PGBD5: variants seen among roughly 807,000 people sequenced by gnomAD.
PGBD5 encodes piggyBac transposable element derived 5.
PGBD5 carries 14 observed loss-of-function variants against 47.9 expected under a neutral mutation model. That is an observed-to-expected ratio of 0.29 (90% confidence interval 0.19 to 0.46). The LOEUF (loss-of-function observed/expected upper bound fraction) is 0.46. Among genes scored for constraint, PGBD5 ranks in the 20% least tolerant of loss-of-function variants. PGBD5 has a pLI of 1.00. For synonymous variants in PGBD5, 316 were observed against 306.3 expected, an observed-to-expected ratio of 1.03 and a Z score of -0.33; for missense variants, 635 against 716.0, an observed-to-expected ratio of 0.89 and a Z score of 1.29.
intron 1 of PGBD5, among the ~76,000 whole-genome samples, chr1:230,422,500 T>G (rs1418019026): frequency 3.3e-5 from 5 of 152,116 alleles, no homozygotes; most frequent in Non-Finnish European, 1.5e-5. Flanking sequence ...GCACTCCCAG[T>G]AGGCATTTCA....
chr1:230,347,004 A>G (rs1412911797), intron 3 of PGBD5, among the ~76,000 whole-genome samples: 2 of 152,150 alleles, frequency 1.3e-5, no homozygotes, highest in East Asian at 3.8e-4. Context: ...CTTCTTGAAA[A>G]CAGGGACCTG....
Position 230,323,311 on chromosome 1 carries a change from C to T in PGBD5, c.*114G>A, listed in dbSNP as rs1667065462. Reference sequence around the variant, plus strand: ...CCCTCCAGAGGCCCTGTGCATCCCTCCCAGGCAGCAAGCCACACACCAGGC... The same window carrying T: ...CCCTCCAGAGGCCCTGTGCATCCCTTCCAGGCAGCAAGCCACACACCAGGC... On this transcript the variant is annotated 3_prime_UTR_variant, in exon 7 of 7. Transcript: ENST00000391860. This position sits in a 1 kb window ranked among gnomAD's most constrained non-coding sequence, Gnocchi z 4.1. 49 of 1,278,662 alleles carry T rather than the reference C, an allele frequency of 3.8e-5. 2 individuals are homozygous for T. In the South Asian group the frequency reaches 6.4e-4, roughly 17 times the overall value. 79.2% of individuals were successfully genotyped at this position (1,278,662 alleles called of 1,614,324 possible).
chr1:230,399,163 G>A (rs986350573), intron 1 of PGBD5, among the ~76,000 whole-genome samples: 1 of 151,938 alleles, frequency 6.6e-6, no homozygotes, highest in East Asian at 1.9e-4. Context: ...GCGCTATTTG[G>A]ATTTCAAATA....
At chr1:230,399,794 C>A (rs143576657) in intron 1 of PGBD5, among the ~76,000 whole-genome samples, 1 of 152,208 alleles carries the variant, frequency 6.6e-6, no homozygotes. Flanking sequence ...TGCCGCAGAT[C>A]CTTCCAATAC....
intron 3 of PGBD5, among the ~76,000 whole-genome samples, chr1:230,347,969 C>T (rs2102699168): frequency 6.6e-6 from 1 of 152,272 alleles, no homozygotes; most frequent in African/African-American, 2.4e-5. Flanking sequence ...ATGCACTTGC[C>T]CCTTCAAATC....
chr1:230,350,481 G>C (rs1254832277), intron 3 of PGBD5, among the ~76,000 whole-genome samples: 2 of 152,196 alleles, frequency 1.3e-5, no homozygotes, highest in African/African-American at 2.4e-5. Context: ...TGTTGGTGGA[G>C]GTCTGTGAAG....
At chr1:230,418,431 G>T (rs1256824350) in intron 1 of PGBD5, among the ~76,000 whole-genome samples, 2 of 152,174 alleles carry the variant, frequency 1.3e-5, no homozygotes, top group Non-Finnish European at 2.9e-5. Context: ...CAGAATAATG[G>T]CTACCTCTGG....
At chr1:230,373,859 A>G (rs1336518808) in intron 1 of PGBD5, among the ~76,000 whole-genome samples, 1 of 151,948 alleles carries the variant, frequency 6.6e-6, no homozygotes, top group Non-Finnish European at 1.5e-5. Context: ...ACACCCGGCT[A>G]ATTTTTAGTT....
chr1:230,316,018 GTATGTGTATACATACATAAGTA>G lies in PGBD5; in HGVS notation c.*7385_*7406del, dbSNP rs1666937409. 7.6e-6 allele frequency: 1 copy of G among 131,670 alleles called. No homozygotes were observed. Among genetic ancestry groups the G allele is most frequent in the Non-Finnish European group, 1.7e-5 (1 of 59,364 alleles). The allele number at this position is 131,670 out of a possible 1,614,324, so 8.2% of individuals were successfully genotyped here. Reference sequence around the variant, plus strand: ...CATAAGTATATGTGTACACATATATGTATGTGTATACATACATAAGTATATGTGTACACATATATGTATGTGT... The same window carrying G: ...CATAAGTATATGTGTACACATATATGTATGTGTACACATATATGTATGTGT... On this transcript the variant is annotated 3_prime_UTR_variant, in exon 7 of 7. Coordinates refer to ENST00000391860, the MANE Select transcript of PGBD5 (RefSeq NM_001258311.2).
At chr1:230,419,620 C>T (rs565033288) in intron 1 of PGBD5, among the ~76,000 whole-genome samples, 2 of 152,300 alleles carry the variant, frequency 1.3e-5, no homozygotes, top group South Asian at 4.2e-4. Context: ...CCATCTTACT[C>T]TTACTGGTGG....
intron 3 of PGBD5, among the ~76,000 whole-genome samples, chr1:230,340,211 GA>G (rs1285431017): frequency 3.3e-5 from 5 of 152,084 alleles, no homozygotes; most frequent in Admixed American, 3.3e-4. Context: ...GTAACAATCA[GA>G]AATGTGTTAA....
At chr1:230,333,430 G>T (rs1338534161) in intron 4 of PGBD5, among the ~76,000 whole-genome samples, 2 of 152,194 alleles carry the variant, frequency 1.3e-5, no homozygotes, top group African/African-American at 2.4e-5. Context: ...CACTCCATAG[G>T]TTATGGCATG....
chr1:230,352,598 A>G (rs1667575651), intron 2 of PGBD5, among the ~76,000 whole-genome samples: 1 of 152,100 alleles, frequency 6.6e-6, no homozygotes, highest in Non-Finnish European at 1.5e-5. Flanking sequence ...CTGCCTCCTC[A>G]GTTTTTCTAC....
chr1:230,356,815 A>G lies in PGBD5; in HGVS notation c.759+79T>C. Reference sequence around the variant, plus strand: ...GCAGGCAGGGCAGGAAGGACACCCCAAAGCCCTGCCAACAGACAAGGCTAG... The same window carrying G: ...GCAGGCAGGGCAGGAAGGACACCCCGAAGCCCTGCCAACAGACAAGGCTAG... On this transcript the variant is annotated intron_variant, in intron 2 of 6. Coordinates refer to ENST00000391860, the MANE Select transcript of PGBD5 (RefSeq NM_001258311.2). 6 of 1,493,286 alleles carry G rather than the reference A, an allele frequency of 4.0e-6. No individual in the cohort carries two copies. In the South Asian group the frequency reaches 7.8e-5, roughly 19 times the overall value. The allele number at this position is 1,493,286 out of a possible 1,614,324, so 92.5% of individuals were successfully genotyped here.
intron 3 of PGBD5, among the ~76,000 whole-genome samples, chr1:230,346,782 A>G (rs1667478449): frequency 1.3e-5 from 2 of 152,106 alleles, no homozygotes. Flanking sequence ...CGACGTACAG[A>G]CACACCTCCG....
intron 1 of PGBD5, among the ~76,000 whole-genome samples, chr1:230,413,690 C>G (rs766215101): frequency 3.3e-5 from 5 of 152,146 alleles, no homozygotes; most frequent in Non-Finnish European, 7.3e-5. Flanking sequence ...TTCTGTGGCT[C>G]TAAAGATGCC....
intron 1 of PGBD5, among the ~76,000 whole-genome samples, chr1:230,363,509 G>A (rs999206861): frequency 1.3e-5 from 2 of 152,056 alleles, no homozygotes; most frequent in African/African-American, 2.4e-5. Flanking sequence ...TTGAACCTGG[G>A]AGGCGGAGGC....
intron 1 of PGBD5, among the ~76,000 whole-genome samples, chr1:230,379,855 C>T (rs868161541): frequency 6.6e-6 from 1 of 152,256 alleles, no homozygotes; most frequent in Middle Eastern, 3.2e-3. Flanking sequence ...CCTCTGAAAT[C>T]TTATCATCAT....
chr1:230,315,811 T>A lies in PGBD5; in HGVS notation c.*7614A>T. The A allele has an allele frequency of 7.4e-6, 1 of 135,060 alleles. No individual in the cohort carries two copies. The highest frequency in any genetic ancestry group is 2.5e-4 in the South Asian group (1 of 3,962). 8.4% of individuals were successfully genotyped at this position (135,060 alleles called of 1,614,324 possible). A position where few individuals can be genotyped will look rare whatever the true frequency, so the allele number is the denominator to read the frequency against. ...GTATATATGTATACATATATGTATA[T>A]GTGCATACATATAGAGGTATACATA... On this transcript the variant is annotated 3_prime_UTR_variant, in exon 7 of 7. Transcript: ENST00000391860.
Sources: gnomAD v4.1 joint callset for allele counts (sites outside exome capture counted in the v4.1 genomes callset) on GRCh38, gnomAD v4.1.1 for gene constraint, Gnocchi (gnomAD v3.1) non-coding constraint, MANE v1.5 for transcripts, NCBI Gene and HGNC (gene_info 2026-07-23, HGNC 2026-07-21) for gene names.